The following PLGRKT variants were observed in gnomAD, a reference collection of about 807,000 sequenced individuals.
PLGRKT encodes the protein plasminogen receptor (KT).
In PLGRKT, 22 loss-of-function variants were observed where a neutral mutation model predicts 18.5. The ratio of observed to expected loss-of-function variants is 1.19; its 90% CI spans 0.85 to 1.70. The LOEUF (loss-of-function observed/expected upper bound fraction) is 1.70, where lower values mean the gene tolerates loss of function less well. Ranked by LOEUF, PLGRKT falls within the 40% of genes most tolerant of loss-of-function variation. The pLI, the probability that PLGRKT is intolerant of heterozygous loss-of-function variation, is 0.00. For synonymous variants in PLGRKT, 72 were observed against 52.8 expected (o/e 1.36, Z -1.58); for missense variants, 235 against 174.4 (o/e 1.35, Z -1.96).
chr9:5,419,403 G>C (rs912256164), intron 3 of PLGRKT, among the ~76,000 whole-genome samples: 2 of 152,252 alleles, frequency 1.3e-5, no homozygotes, highest in African/African-American at 2.4e-5. Flanking sequence ...GCTTTCTTCA[G>C]CGGACCTTTC....
At position 5,408,978 on chromosome 9, in the gene PLGRKT, C is replaced by T. The variant is rs184985867; in HGVS notation, c.81+22919G>A. ...TGATGCTAAGCCTGTGAGTATGCAG[C>T]GGATAAGAGTTGAGGCTTGGGAGCC... is the stretch of plus-strand genomic sequence containing the variant. On this transcript the variant is annotated intron_variant, in intron 3 of 5. Coordinates refer to ENST00000223864, the MANE Select transcript of PLGRKT (RefSeq NM_018465.4). 5.9e-5 allele frequency among the ~76,000 whole-genome samples: 9 copies of T among 152,294 alleles called. No homozygotes were observed. The East Asian group carries it at 1.4e-3, about 23-fold the overall frequency.
At chr9:5,369,995 G>A (rs1004317189) in intron 3 of PLGRKT, among the ~76,000 whole-genome samples, 3 of 152,098 alleles carry the variant, frequency 2.0e-5, no homozygotes, top group Non-Finnish European at 4.4e-5. Flanking sequence ...TGTAGATAAC[G>A]TGTTGATGGG....
At chr9:5,382,763 A>G (rs1470356729) in intron 3 of PLGRKT, among the ~76,000 whole-genome samples, 1 of 152,214 alleles carries the variant, frequency 6.6e-6, no homozygotes. Flanking sequence ...CCCACTAGGG[A>G]AGTGTCCACT....
At chr9:5,415,311 C>T (rs1261422030) in intron 3 of PLGRKT, among the ~76,000 whole-genome samples, 1 of 152,152 alleles carries the variant, frequency 6.6e-6, no homozygotes, top group African/African-American at 2.4e-5. Flanking sequence ...TCCACGAAAA[C>T]ATATTCATAT....
At chr9:5,385,698 G>A (rs985749320) in intron 3 of PLGRKT, among the ~76,000 whole-genome samples, 2 of 151,778 alleles carry the variant, frequency 1.3e-5, no homozygotes, top group African/African-American at 4.9e-5. Flanking sequence ...AGAGAGGATG[G>A]TGGAAAGGAA....
chr9:5,424,436 TAA>T (rs1267318575), intron 3 of PLGRKT, among the ~76,000 whole-genome samples: 2 of 107,280 alleles, frequency 1.9e-5, no homozygotes, highest in South Asian at 2.5e-4. Context: ...TAACATATTA[TAA>T]AATATATTAT....
intron 4 of PLGRKT, 60 bp downstream of exon 4, chr9:5,361,698 G>A (rs1817268427): frequency 1.3e-6 from 2 of 1,500,852 alleles, no homozygotes; most frequent in Non-Finnish European, 1.8e-6. Flanking sequence ...ATAATAAAAT[G>A]GTAATGGAAA....
At chr9:5,375,617 T>TA (rs1474580825) in intron 3 of PLGRKT, among the ~76,000 whole-genome samples, 5 of 152,122 alleles carry the variant, frequency 3.3e-5, no homozygotes, top group East Asian at 1.9e-4. Context: ...ACATTAAAAA[T>TA]AAAAAAATTG....
At chr9:5,411,721 A>G (rs2131145209) in intron 3 of PLGRKT, among the ~76,000 whole-genome samples, 1 of 152,384 alleles carries the variant, frequency 6.6e-6, no homozygotes, top group South Asian at 2.1e-4. Flanking sequence ...TATATTTCCA[A>G]TTACTGACAA....
intron 3 of PLGRKT, among the ~76,000 whole-genome samples, chr9:5,385,057 AG>A (rs1292508440): frequency 6.6e-6 from 1 of 152,014 alleles, no homozygotes; most frequent in Admixed American, 6.6e-5. Flanking sequence ...GGGCCAGGGG[AG>A]GGCAGATCAT....
intron 1 of PLGRKT, chr9:5,437,534 G>A (rs1290677812): frequency 6.6e-6 from 1 of 152,230 alleles, no homozygotes; most frequent in African/African-American, 2.4e-5. Flanking sequence ...TGAGAGCACT[G>A]TGCCTGTTTT....
intron 3 of PLGRKT, among the ~76,000 whole-genome samples, chr9:5,390,038 G>A (rs973024278): frequency 6.6e-6 from 1 of 151,784 alleles, no homozygotes; most frequent in Non-Finnish European, 1.5e-5. Flanking sequence ...GGGTCAGACA[G>A]TCATTGAGGA....
At chr9:5,432,421 G>T (rs1183873686) in intron 2 of PLGRKT, among the ~76,000 whole-genome samples, 2 of 152,216 alleles carry the variant, frequency 1.3e-5, no homozygotes, top group Admixed American at 6.5e-5. Context: ...TTAAGAAGAT[G>T]CCTTGTGCGT....
In PLGRKT at chr9:5,424,415, CATATA is replaced by C. The variant is rs1818640376; in HGVS notation, c.81+7477_81+7481del. Reference sequence around the variant, plus strand: ...TAAAACATAATATATTATATATTAACATATAATATATAACATATTATAAAATATAT... The same window carrying C: ...TAAAACATAATATATTATATATTAACATATATAACATATTATAAAATATAT... On this transcript the variant is annotated intron_variant, in intron 3 of 5. Coordinates refer to ENST00000223864, the MANE Select transcript of PLGRKT (RefSeq NM_018465.4). 3.3e-5 allele frequency among the ~76,000 whole-genome samples: 4 copies of C among 122,390 alleles called. No individual in the cohort carries two copies. The East Asian group carries it at 6.2e-4, about 19-fold the overall frequency. 80.3% of individuals were successfully genotyped at this position (122,390 alleles called of 152,430 possible).
At chr9:5,391,269 G>A (rs1311120354) in intron 3 of PLGRKT, among the ~76,000 whole-genome samples, 1 of 151,924 alleles carries the variant, frequency 6.6e-6, no homozygotes, top group Non-Finnish European at 1.5e-5. Flanking sequence ...ACCAATTGCA[G>A]TTTATGGCAC....
intron 3 of PLGRKT, among the ~76,000 whole-genome samples, chr9:5,394,209 A>G (rs1818002029): frequency 6.6e-6 from 1 of 151,884 alleles, no homozygotes. Flanking sequence ...TTCCTGGGAA[A>G]CAAAAGCAGG....
chr9:5,431,887 TA>T lies in PLGRKT; in HGVS notation c.81+9del. 7.5e-7 allele frequency: 1 copy of T among 1,335,276 alleles called. No homozygotes were observed. Among genetic ancestry groups the T allele is most frequent in the Non-Finnish European group, 1.1e-6 (1 of 928,386 alleles). The allele number at this position is 1,335,276 out of a possible 1,614,324, so 82.7% of individuals were successfully genotyped here. The stretch of plus-strand genomic sequence containing the variant: ...TAACAACATAATAGCTTAATTATTT[TA>T]AAACATACCTGAAGTCGAGCATTCA... On this transcript the variant is annotated intron_variant, in intron 3 of 5. Coordinates refer to ENST00000223864, the MANE Select transcript of PLGRKT (RefSeq NM_018465.4).
chr9:5,400,676 CCTTGT>C (rs1474404765), intron 3 of PLGRKT, among the ~76,000 whole-genome samples: 1 of 151,798 alleles, frequency 6.6e-6, no homozygotes, highest in Non-Finnish European at 1.5e-5. Context: ...AAGTACTCAA[CCTTGT>C]CTTTTCATCT....
chr9:5,398,538 T>C (rs2131123890), intron 3 of PLGRKT, among the ~76,000 whole-genome samples: 1 of 151,976 alleles, frequency 6.6e-6, no homozygotes, highest in South Asian at 2.1e-4. Flanking sequence ...CAGAGAACAA[T>C]TTGATTTCTA....
Sources: gnomAD v4.1 joint callset for allele counts (sites outside exome capture counted in the v4.1 genomes callset) on GRCh38, gnomAD v4.1.1 for gene constraint, MANE v1.5 for transcripts, NCBI Gene and HGNC (gene_info 2026-07-23, HGNC 2026-07-21) for gene names.